Variants in MYO1D observed in about 807,000 individuals in gnomAD.
MYO1D encodes unconventional myosin-Id.
In MYO1D, 83 loss-of-function variants were observed where a neutral mutation model predicts 122.0. The ratio of observed to expected loss-of-function variants is 0.68; its 90% CI spans 0.57 to 0.82. MYO1D has a LOEUF of 0.82. Among genes scored for constraint, MYO1D ranks in the 40% least tolerant of loss-of-function variants. The pLI is 0.00. For missense variants in MYO1D, 1,157 were observed against 1,269.5 expected (o/e 0.91, Z 1.35); for synonymous variants, 464 against 446.9 (o/e 1.04, Z -0.48).
intron 14 of MYO1D, among the ~76,000 whole-genome samples, chr17:32,723,159 C>T (rs1282670890): frequency 1.3e-5 from 2 of 152,118 alleles, no homozygotes; most frequent in Non-Finnish European, 2.9e-5. Context: ...TGCGCTTGGA[C>T]CCGAGTTCTG....
rs73280076 is a variant in MYO1D, at chr17:32,712,482, C to T, written c.1914-287G>A. Among the ~76,000 whole-genome samples the T allele has an allele frequency of 3.8e-3, 583 of 152,228 alleles. 6 individuals carry two copies. The highest frequency in any genetic ancestry group is 0.013 in the African/African-American group (550 of 41,546). ...GTTCATAAAGGGGTAACCTTAGAAA[C>T]ATTCTTTTTACAAACAGATACAAGA... On this transcript the variant is annotated intron_variant, in intron 15 of 21. Coordinates refer to ENST00000318217, the MANE Select transcript of MYO1D (RefSeq NM_015194.3).
chr17:32,559,255 G>A (rs1275928748), intron 21 of MYO1D, among the ~76,000 whole-genome samples: 2 of 152,148 alleles, frequency 1.3e-5, no homozygotes, highest in South Asian at 2.1e-4. Flanking sequence ...TTTCTGAAGC[G>A]CAATTTATTT....
In MYO1D at chr17:32,533,378, A is replaced by G. The variant is rs547779745; in HGVS notation, c.2865-38463T>C. Among the ~76,000 whole-genome samples, 18 of 152,234 alleles carry G rather than the reference A, an allele frequency of 1.2e-4. No homozygotes were observed. In the South Asian group the frequency reaches 3.7e-3, roughly 32 times the overall value. ...ACAGCAATCCATCACCAAATCCTGAAGATTTTACCTCCAAAACCTGTTTCA... is the reference window on the plus strand; with the variant it reads ...ACAGCAATCCATCACCAAATCCTGAGGATTTTACCTCCAAAACCTGTTTCA... On this transcript the variant is annotated intron_variant, in intron 21 of 21. Coordinates refer to ENST00000318217, the MANE Select transcript of MYO1D (RefSeq NM_015194.3).
At chr17:32,735,101 C>G in intron 14 of MYO1D, among the ~76,000 whole-genome samples, 1 of 151,360 alleles carries the variant, frequency 6.6e-6, no homozygotes, top group Admixed American at 6.6e-5. Flanking sequence ...CACACACACA[C>G]ACACACACAC....
intron 21 of MYO1D, among the ~76,000 whole-genome samples, chr17:32,559,354 T>C (rs796603069): frequency 4.6e-5 from 7 of 152,362 alleles, no homozygotes; most frequent in African/African-American, 1.7e-4. Context: ...CCACACATAA[T>C]GACCTGTAAC....
chr17:32,755,304 T>C (rs1470246271), intron 11 of MYO1D, among the ~76,000 whole-genome samples, 188 bp downstream of exon 11: 3 of 152,220 alleles, frequency 2.0e-5, no homozygotes, highest in African/African-American at 7.2e-5. Context: ...TTTTATCAAT[T>C]TCTTCATACT....
chr17:32,664,099 C>T (rs1442509352), intron 16 of MYO1D, among the ~76,000 whole-genome samples: 2 of 152,164 alleles, frequency 1.3e-5, no homozygotes, highest in Admixed American at 1.3e-4. Flanking sequence ...CCCTTAGGCT[C>T]TATTTTTTAA....
chr17:32,675,805 C>T (rs2088799815), intron 16 of MYO1D, among the ~76,000 whole-genome samples: 2 of 152,162 alleles, frequency 1.3e-5, no homozygotes, highest in South Asian at 4.1e-4. Context: ...TACTGCCATA[C>T]AGAGGTTGTT....
chr17:32,703,066 T>G (rs188445280), intron 16 of MYO1D, among the ~76,000 whole-genome samples: 1 of 152,218 alleles, frequency 6.6e-6, no homozygotes, highest in African/African-American at 2.4e-5. Flanking sequence ...ATAATTTATA[T>G]GTTTAGTAGC....
At chr17:32,654,756 C>A in intron 17 of MYO1D, 135 bp from the exon 18 acceptor site, 2 of 732,018 alleles carry the variant, frequency 2.7e-6, no homozygotes, top group South Asian at 2.7e-5. Context: ...CAGCTCACTG[C>A]AACCTCTGCC....
chr17:32,683,282 T>C (rs1047247519), intron 16 of MYO1D, among the ~76,000 whole-genome samples: 1 of 152,296 alleles, frequency 6.6e-6, no homozygotes, highest in East Asian at 1.9e-4. Context: ...CTTTGTTCCG[T>C]TGCTGGTGAG....
chr17:32,711,962 T>C (rs201275256), intron 16 of MYO1D, 26 bp downstream of exon 16: 405 of 1,552,182 alleles, frequency 2.6e-4, no homozygotes, highest in Middle Eastern at 6.0e-4. Flanking sequence ...CAAAATCTTA[T>C]CCTTATATAT....
chr17:32,620,990 A>G (rs544373648), intron 20 of MYO1D, among the ~76,000 whole-genome samples: 1 of 152,218 alleles, frequency 6.6e-6, no homozygotes, highest in Non-Finnish European at 1.5e-5. Flanking sequence ...GAATAGTTGC[A>G]TATATAATGA....
At chr17:32,869,505 T>C (rs1470091834) in intron 1 of MYO1D, among the ~76,000 whole-genome samples, 2 of 152,128 alleles carry the variant, frequency 1.3e-5, no homozygotes, top group African/African-American at 4.8e-5. Context: ...TGGGCAATAA[T>C]ACAATGACCC....
intron 14 of MYO1D, among the ~76,000 whole-genome samples, chr17:32,724,487 T>C (rs16967581): frequency 0.041 from 6,227 of 152,052 alleles, 421 homozygotes; most frequent in African/African-American, 0.14. Flanking sequence ...AACAACACAG[T>C]GGAGAATTTA....
At chr17:32,678,377 T>C (rs2088855452) in intron 16 of MYO1D, among the ~76,000 whole-genome samples, 1 of 151,144 alleles carries the variant, frequency 6.6e-6, no homozygotes, top group African/African-American at 2.4e-5. Flanking sequence ...CATCTAGCAT[T>C]AGGTATATCT....
At chr17:32,842,418 C>A (rs967515355) in intron 1 of MYO1D, among the ~76,000 whole-genome samples, 1 of 152,130 alleles carries the variant, frequency 6.6e-6, no homozygotes, top group Non-Finnish European at 1.5e-5. Flanking sequence ...TGGCTGCACA[C>A]TGGATTAATG....
intron 21 of MYO1D, among the ~76,000 whole-genome samples, chr17:32,586,002 G>A (rs916072609): frequency 1.3e-5 from 2 of 152,126 alleles, no homozygotes; most frequent in Non-Finnish European, 2.9e-5. Context: ...TTCTCTACGT[G>A]TCAAGGAGAA....
intron 14 of MYO1D, among the ~76,000 whole-genome samples, chr17:32,732,024 GC>G (rs1220622620): frequency 1.3e-5 from 2 of 152,236 alleles, no homozygotes; most frequent in East Asian, 3.8e-4. Flanking sequence ...GGGCACTGTT[GC>G]AACCCAGCTG....
Sources: gnomAD v4.1 joint callset for allele counts (sites outside exome capture counted in the v4.1 genomes callset) on GRCh38, gnomAD v4.1.1 for gene constraint, MANE v1.5 for transcripts, NCBI Gene and HGNC (gene_info 2026-07-23, HGNC 2026-07-21) for gene names.